Variants in HERC3 observed in about 807,000 individuals in gnomAD.
HERC3 encodes probable E3 ubiquitin-protein ligase HERC3.
A neutral mutation model predicts 129.9 loss-of-function variants in HERC3; 58 were observed. The ratio of observed to expected loss-of-function variants is 0.45; its 90% CI spans 0.36 to 0.56. The LOEUF is 0.56. Among genes scored for constraint, HERC3 ranks in the 20% least tolerant of loss-of-function variants. HERC3 has a pLI of 0.00. For missense variants in HERC3, 835 were observed against 1,244.2 expected (o/e 0.67, Z 4.95); for synonymous variants, 430 against 451.0 (o/e 0.95, Z 0.59).
At chr4:88,631,959 A>T (rs990320260) in intron 3 of HERC3, among the ~76,000 whole-genome samples, 17 of 152,250 alleles carry the variant, frequency 1.1e-4, no homozygotes, top group Middle Eastern at 6.3e-3. Context: ...TGGCAGGCAC[A>T]TTGGGAAAGA....
chr4:88,679,949 C>T (rs1263325991), intron 19 of HERC3, 144 bp from the exon 20 acceptor site: 2 of 617,810 alleles, frequency 3.2e-6, no homozygotes, highest in Non-Finnish European at 5.2e-6. Context: ...TCAACAGACA[C>T]ACCTTGCAGT....
the HERC3 span, chr4:88,525,037 A>G: frequency 6.7e-6 from 1 of 149,808 alleles, no homozygotes; most frequent in Non-Finnish European, 1.5e-5. Flanking sequence ...TAAAAAAAAC[A>G]GTTTATTTTT....
At chr4:88,666,308 G>T (rs1453750386) in intron 12 of HERC3, among the ~76,000 whole-genome samples, 1 of 152,138 alleles carries the variant, frequency 6.6e-6, no homozygotes, top group Non-Finnish European at 1.5e-5. Flanking sequence ...ATGAAGACCA[G>T]ATTTACAAAG....
At chr4:88,554,041 A>G in the HERC3 span, among the ~76,000 whole-genome samples, 1 of 152,184 alleles carries the variant, frequency 6.6e-6, no homozygotes, top group Non-Finnish European at 1.5e-5. Context: ...ATGGCAAACA[A>G]TGCCTAAGGA....
At chr4:88,536,139 C>T in the HERC3 span, among the ~76,000 whole-genome samples, 85 of 152,342 alleles carry the variant, frequency 5.6e-4, no homozygotes, top group Admixed American at 9.8e-4. Context: ...GCTTATGAGG[C>T]CCTCCAGCAA....
chr4:88,670,437 G>A (rs1292667967), intron 16 of HERC3, among the ~76,000 whole-genome samples, 185 bp downstream of exon 16: 1 of 152,144 alleles, frequency 6.6e-6, no homozygotes, highest in Non-Finnish European at 1.5e-5. Context: ...AGTCATAAAT[G>A]AGTAGTCACC....
chr4:88,550,939 A>G, the HERC3 span, among the ~76,000 whole-genome samples: 1 of 150,860 alleles, frequency 6.6e-6, no homozygotes, highest in African/African-American at 2.4e-5. Context: ...AAACAGAGAT[A>G]TAGATCAATG....
At chr4:88,558,866 G>T in the HERC3 span, among the ~76,000 whole-genome samples, 1 of 151,786 alleles carries the variant, frequency 6.6e-6, no homozygotes, top group Admixed American at 6.6e-5. Context: ...TGCTGGGGAG[G>T]CTGAGGCAGA....
rs980897788 is a variant in HERC3 at position 88,606,021 on chromosome 4, G to T, written c.198G>T (p.Leu66=). Residue 66 remains leucine, a synonymous_variant, in exon 3 of 26, where the codon CTG becomes CTT. Coordinates refer to ENST00000402738, the MANE Select transcript of HERC3 (RefSeq NM_014606.3). ...GTGGTTTGAACACCAAGGGGCAACT[G>T]GGCCATGAGAGGGAAGGAAACAAGC... ...YTCGLNTKGQ[L]GHEREGNKPE... 5 of 1,613,768 alleles carry T rather than the reference G, an allele frequency of 3.1e-6. No individual in the cohort carries two copies. The highest frequency in any genetic ancestry group is 1.3e-5 in the African/African-American group (1 of 74,904).
intron 3 of HERC3, among the ~76,000 whole-genome samples, chr4:88,641,371 ATAATT>A (rs1414962880): frequency 6.6e-6 from 1 of 152,082 alleles, no homozygotes; most frequent in African/African-American, 2.4e-5. Context: ...TATTCAATCA[ATAATT>A]TAAGCCTTCA....
the HERC3 span, chr4:88,527,613 G>T: frequency 4.2e-6 from 1 of 238,058 alleles, no homozygotes; most frequent in South Asian, 5.5e-5. Flanking sequence ...TGTACCCGCT[G>T]ATCCACAACA....
chr4:88,536,152 G>A, the HERC3 span, among the ~76,000 whole-genome samples: 9 of 152,158 alleles, frequency 5.9e-5, no homozygotes, highest in Non-Finnish European at 7.3e-5. Context: ...TCCAGCAACT[G>A]GCCCCAGACT....
chr4:88,669,834 A>T, intron 14 of HERC3, 26 bp from the exon 15 acceptor site: 1 of 1,596,098 alleles, frequency 6.3e-7, no homozygotes. Context: ...TACATGTTGA[A>T]ATATGTCTTT....
intron 3 of HERC3, among the ~76,000 whole-genome samples, chr4:88,607,939 C>T (rs965003096): frequency 2.6e-5 from 4 of 152,074 alleles, no homozygotes; most frequent in Non-Finnish European, 4.4e-5. Flanking sequence ...TAGGTGTTTG[C>T]CCCTTTTTTT....
In HERC3 at chr4:88,706,722, G is replaced by C. The variant is rs768020927; in HGVS notation, c.2945-30G>C. The C allele has an allele frequency of 2.5e-6, 4 of 1,595,688 alleles. No homozygotes were observed. In the Admixed American group the frequency reaches 6.7e-5, roughly 27 times the overall value. ...CTGAGATCCATTTTCCGTTTGCTTAGCTGCTAATGCCATTTCTCGTTCTCC... is the reference window on the plus strand; with the variant it reads ...CTGAGATCCATTTTCCGTTTGCTTACCTGCTAATGCCATTTCTCGTTCTCC... On this transcript the variant is annotated intron_variant, in intron 25 of 25. Coordinates refer to ENST00000402738, the MANE Select transcript of HERC3 (RefSeq NM_014606.3).
chr4:88,694,443 G>A (rs1372019313), intron 23 of HERC3, among the ~76,000 whole-genome samples: 2 of 152,116 alleles, frequency 1.3e-5, no homozygotes, highest in East Asian at 3.8e-4. Flanking sequence ...CTTTAACTCT[G>A]TGATTTCTTA....
the HERC3 span, among the ~76,000 whole-genome samples, chr4:88,565,184 T>C: frequency 1.3e-5 from 2 of 152,116 alleles, no homozygotes; most frequent in Non-Finnish European, 2.9e-5. Context: ...ATGATCCATG[T>C]GCTGAGTAGA....
chr4:88,686,164 G>T (rs574488652), intron 21 of HERC3, among the ~76,000 whole-genome samples: 3 of 152,040 alleles, frequency 2.0e-5, no homozygotes, highest in African/African-American at 7.2e-5. Flanking sequence ...AAAAATTAGT[G>T]TGAGTGTATT....
intron 7 of HERC3, among the ~76,000 whole-genome samples, chr4:88,654,349 CATATAT>C (rs869126362): frequency 0.021 from 1,461 of 70,860 alleles, 20 homozygotes; most frequent in Non-Finnish European, 0.022. Context: ...GTAGATTTTT[CATATAT>C]ATATATATAT....
Sources: gnomAD v4.1 joint callset for allele counts (sites outside exome capture counted in the v4.1 genomes callset) on GRCh38, gnomAD v4.1.1 for gene constraint, MANE v1.5 for transcripts, NCBI Gene and HGNC (gene_info 2026-07-23, HGNC 2026-07-21) for gene names.